Variants in GSE1 observed in about 807,000 individuals in gnomAD.
GSE1 encodes the protein Gse1 coiled-coil protein, also known as genetic suppressor element 1.
In GSE1, 32 loss-of-function variants were observed where a neutral mutation model predicts 112.6. The ratio of observed to expected loss-of-function variants is 0.28; its 90% CI spans 0.21 to 0.38. GSE1 has a LOEUF of 0.38. Ranked by LOEUF, GSE1 falls within the 10% of genes least tolerant of loss-of-function variation. The probability of loss-of-function intolerance (pLI) is 1.00; values close to 1 mark genes in which losing one functional copy is unlikely to be tolerated. For missense variants in GSE1, 2,348 were observed against 1,699.2 expected (o/e 1.38, Z -6.71); for synonymous variants, 1,115 against 735.6 (o/e 1.52, Z -8.35).
In GSE1 at chr16:85,357,592, CA is replaced by C. The variant is rs1290182889; in HGVS notation, c.2414del (p.Gln805ArgfsTer19). ...GATGGCCCAGGAGCTGAGGCCAGCA[CA>C]GTGTCTGCAGAGCAGCCGGGAGGAG... is the stretch of plus-strand genomic sequence containing the variant. On this transcript the variant is annotated frameshift_variant, in exon 2 of 3. Coordinates refer to the GSE1 transcript ENST00000637419. LOFTEE classifies it high-confidence loss of function. The C allele has an allele frequency of 7.8e-7, 1 of 1,288,884 alleles. No individual in the cohort carries two copies. Among genetic ancestry groups the C allele is most frequent in the Non-Finnish European group, 1.0e-6 (1 of 988,600 alleles). The allele number at this position is 1,288,884 out of a possible 1,614,324, so 79.8% of individuals were successfully genotyped here. A position where few individuals can be genotyped will look rare whatever the true frequency, so the allele number is the denominator to read the frequency against.
At chr16:85,605,508 T>C (rs2047665981) in intron 1 of GSE1, among the ~76,000 whole-genome samples, 1 of 152,108 alleles carries the variant, frequency 6.6e-6, no homozygotes, top group South Asian at 2.1e-4. Flanking sequence ...GCACTGGGCA[T>C]GGCTCTCTCT....
At chr16:85,489,288 C>T (rs993239514) in intron 2 of GSE1, among the ~76,000 whole-genome samples, 6 of 151,924 alleles carry the variant, frequency 3.9e-5, no homozygotes, top group South Asian at 2.1e-4. Context: ...GCTGTTGAGC[C>T]GGGCCGGTGA....
At chr16:85,244,914 C>T (rs1905467972) in intron 1 of GSE1, among the ~76,000 whole-genome samples, 1 of 151,776 alleles carries the variant, frequency 6.6e-6, no homozygotes, top group South Asian at 2.1e-4. Flanking sequence ...TCGCTTGAAC[C>T]CGGGAGGCAG....
intron 1 of GSE1, among the ~76,000 whole-genome samples, chr16:85,236,193 T>C (rs1904643802): frequency 6.6e-6 from 1 of 152,160 alleles, no homozygotes; most frequent in Admixed American, 6.5e-5. Context: ...GGACCGGCTC[T>C]TGGGGCCCCC....
intron 1 of GSE1, among the ~76,000 whole-genome samples, chr16:85,250,929 T>C (rs1374670742): frequency 1.3e-5 from 2 of 152,044 alleles, no homozygotes; most frequent in African/African-American, 4.8e-5. Flanking sequence ...TGTGGACTTC[T>C]GTGTCTGGCA....
At chr16:85,201,803 TTG>T (rs917348906) in intron 1 of GSE1, among the ~76,000 whole-genome samples, 9 of 152,232 alleles carry the variant, frequency 5.9e-5, no homozygotes, top group African/African-American at 2.2e-4. Flanking sequence ...GCGTAGCCTT[TTG>T]TCTGTCAGCA....
At chr16:85,328,832 G>A (rs2046280246) in intron 1 of GSE1, among the ~76,000 whole-genome samples, 1 of 142,658 alleles carries the variant, frequency 7.0e-6, no homozygotes, top group East Asian at 2.1e-4. Context: ...GGGGCCTCCC[G>A]CGGTGGAATG....
intron 1 of GSE1, among the ~76,000 whole-genome samples, chr16:85,267,548 C>A (rs1345707609): frequency 6.6e-6 from 1 of 152,128 alleles, no homozygotes; most frequent in Non-Finnish European, 1.5e-5. Flanking sequence ...CTTAGCCACC[C>A]CCTGCGAGCT....
chr16:85,191,347 C>CA (rs2074816697), intron 1 of GSE1, among the ~76,000 whole-genome samples: 1 of 152,156 alleles, frequency 6.6e-6, no homozygotes, highest in South Asian at 2.1e-4. Context: ...TTAAAGTGTA[C>CA]AATTCAATGT....
intron 1 of GSE1, among the ~76,000 whole-genome samples, chr16:85,617,153 C>T (rs2048421714): frequency 1.3e-5 from 2 of 152,232 alleles, no homozygotes; most frequent in South Asian, 4.1e-4. Context: ...TCACTGAGGC[C>T]AGTCCACCTG....
At chr16:85,315,286 C>G (rs1313987334) in intron 1 of GSE1, among the ~76,000 whole-genome samples, 1 of 152,216 alleles carries the variant, frequency 6.6e-6, no homozygotes, top group African/African-American at 2.4e-5. Flanking sequence ...AGGGCCTGCT[C>G]TCCTGCAGTC....
chr16:85,633,334 C>T (rs1006552215), intron 1 of GSE1, among the ~76,000 whole-genome samples: 11 of 152,114 alleles, frequency 7.2e-5, no homozygotes, highest in Non-Finnish European at 1.0e-4. Flanking sequence ...CCTGAGTGCC[C>T]GCGTGGACTG....
At position 85,662,094 on chromosome 16, in the gene GSE1, G is replaced by A. The variant is rs184450734; in HGVS notation, c.2260+329G>A. Among the ~76,000 whole-genome samples, 52 of 152,346 alleles carry A rather than the reference G, an allele frequency of 3.4e-4. No individual in the cohort carries two copies. In the East Asian group the frequency reaches 6.2e-3, roughly 18 times the overall value. On this transcript the variant is annotated intron_variant, in intron 9 of 15. Coordinates refer to ENST00000253458, the MANE Select transcript of GSE1 (RefSeq NM_014615.5). ...TAAGATAGTTTTAAATATTAATAGT[G>A]CAGCATAACAGGAGAGCCGGCCTGG...
At chr16:85,277,614 C>G (rs1909498247) in intron 1 of GSE1, among the ~76,000 whole-genome samples, 2 of 152,156 alleles carry the variant, frequency 1.3e-5, no homozygotes, top group Non-Finnish European at 2.9e-5. Context: ...TCATCCAGCC[C>G]AACTTCCACC....
chr16:85,509,715 C>G (rs976555309), intron 2 of GSE1, among the ~76,000 whole-genome samples: 3 of 152,222 alleles, frequency 2.0e-5, no homozygotes, highest in African/African-American at 7.2e-5. Context: ...GTGTGCTGTT[C>G]ACGGCACACC....
chr16:85,333,321 A>G (rs2046415458), intron 1 of GSE1, among the ~76,000 whole-genome samples: 1 of 152,118 alleles, frequency 6.6e-6, no homozygotes, highest in African/African-American at 2.4e-5. Flanking sequence ...CCTTACTGAG[A>G]GGGCAAAATC....
In GSE1 at chr16:85,366,151, G is replaced by A. The variant is rs114162877; in HGVS notation, c.2464+8508G>A. Among the ~76,000 whole-genome samples the A allele has an allele frequency of 2.8e-3, 422 of 152,378 alleles. 1 individual carries two copies. The highest frequency in any genetic ancestry group is 9.9e-3 in the African/African-American group (411 of 41,586). ...GGACTGCGCTCGGGTACTGGGCTCC[G>A]GCCTCCCGAAGTCCTTGGTAAGCCT... On this transcript the variant is annotated intron_variant, in intron 2 of 2. Coordinates refer to the GSE1 transcript ENST00000637419.
chr16:85,641,567 G>A (rs553079147), intron 2 of GSE1, among the ~76,000 whole-genome samples: 8 of 152,384 alleles, frequency 5.2e-5, no homozygotes, highest in African/African-American at 9.6e-5. Context: ...AGGGGGTCGC[G>A]GCGTGACTTC....
chr16:85,425,042 T>A (rs2048937586), intron 2 of GSE1, among the ~76,000 whole-genome samples: 1 of 152,244 alleles, frequency 6.6e-6, no homozygotes, highest in African/African-American at 2.4e-5. Context: ...CAGGCTGGGC[T>A]GGACTGGACT....
Sources: allele counts gnomAD v4.1 joint callset (sites outside exome capture counted in the v4.1 genomes callset), GRCh38; gene constraint gnomAD v4.1.1; transcripts MANE v1.5; gene names NCBI Gene and HGNC (gene_info 2026-07-23, HGNC 2026-07-21).